The following SCAPER variants were observed in gnomAD, a reference collection of about 807,000 sequenced individuals.
SCAPER encodes S phase cyclin A-associated protein in the endoplasmic reticulum.
A neutral mutation model predicts 182.2 loss-of-function variants in SCAPER; 98 were observed. That is an observed-to-expected ratio of 0.54 (90% CI 0.46 to 0.64). The LOEUF is 0.64. Among genes scored for constraint, SCAPER ranks in the 30% least tolerant of loss-of-function variants. SCAPER has a pLI of 0.00. For missense variants in SCAPER, 1,432 were observed against 1,690.0 expected, an observed-to-expected ratio of 0.85 and a Z score of 2.68; for synonymous variants, 605 against 564.6, an observed-to-expected ratio of 1.07 and a Z score of -1.01.
chr15:76,391,887 A>G (rs2043724663), intron 27 of SCAPER, among the ~76,000 whole-genome samples: 1 of 152,232 alleles, frequency 6.6e-6, no homozygotes, highest in Non-Finnish European at 1.5e-5. Context: ...GGTATGTTCC[A>G]TCTCATATTT....
At chr15:76,858,121 C>A (rs1047768458) in intron 3 of SCAPER, among the ~76,000 whole-genome samples, 2 of 152,130 alleles carry the variant, frequency 1.3e-5, no homozygotes, top group Non-Finnish European at 1.5e-5. Context: ...TTATTGAATA[C>A]CTTTCTCTGA....
chr15:76,760,945 C>T (rs2062741223), intron 14 of SCAPER, among the ~76,000 whole-genome samples: 1 of 152,098 alleles, frequency 6.6e-6, no homozygotes, highest in Admixed American at 6.5e-5. Flanking sequence ...ACTACTTCTC[C>T]TTTATATGTT....
rs1254793406 is a variant in SCAPER at position 76,905,325 on chromosome 15, C to A, written c.-86G>T. The A allele has an allele frequency of 4.1e-6, 1 of 245,382 alleles. No homozygotes were observed. The highest frequency in any genetic ancestry group is 8.5e-6 in the Non-Finnish European group (1 of 116,960). The allele number at this position is 245,382 out of a possible 1,614,324, so 15.2% of individuals were successfully genotyped here. Reference sequence around the variant, plus strand: ...CCCGACCGCCCTGCTTAGTTCGGGGCGGCTCAAAGCGTCCCGCCGGGAAAG... The same window carrying A: ...CCCGACCGCCCTGCTTAGTTCGGGGAGGCTCAAAGCGTCCCGCCGGGAAAG... On this transcript the variant is annotated 5_prime_UTR_variant, in exon 1 of 32. Transcript: ENST00000563290.
chr15:76,421,853 T>C (rs1442655969), intron 26 of SCAPER, among the ~76,000 whole-genome samples: 1 of 152,238 alleles, frequency 6.6e-6, no homozygotes, highest in Non-Finnish European at 1.5e-5. Context: ...TAGCCAGTTT[T>C]CCCAGCACCA....
At chr15:76,781,539 T>A (rs1214689109) in intron 8 of SCAPER, among the ~76,000 whole-genome samples, 1 of 152,046 alleles carries the variant, frequency 6.6e-6, no homozygotes, top group East Asian at 1.9e-4. Flanking sequence ...CTACAGAGAA[T>A]ACCATGAACA....
At chr15:76,731,460 C>T (rs1180228662) in intron 16 of SCAPER, among the ~76,000 whole-genome samples, 1 of 152,276 alleles carries the variant, frequency 6.6e-6, no homozygotes, top group Non-Finnish European at 1.5e-5. Context: ...ATTTTACTTA[C>T]AAGAAATGAG....
chr15:76,486,566 A>C (rs2051672164), intron 24 of SCAPER, among the ~76,000 whole-genome samples: 1 of 152,208 alleles, frequency 6.6e-6, no homozygotes, highest in African/African-American at 2.4e-5. Context: ...ACACTTTTCT[A>C]AAGATGACAT....
intron 21 of SCAPER, among the ~76,000 whole-genome samples, chr15:76,632,763 GCTGA>G (rs1380983689): frequency 1.4e-5 from 2 of 145,394 alleles, no homozygotes; most frequent in Non-Finnish European, 3.0e-5. Context: ...CTCTGAGGCT[GCTGA>G]CTTTTTTTTT....
Position 76,753,871 on chromosome 15 carries a change from A to G in SCAPER, c.1803T>C (p.Ala601=). 3 of 1,613,214 alleles carry G rather than the reference A, an allele frequency of 1.9e-6. No homozygotes were observed. The highest frequency in any genetic ancestry group is 2.5e-6 in the Non-Finnish European group (3 of 1,179,356). ...RRMMEEKLLH[A]EFKREVQLQA... ...GTAACTGCACTTCTCGCTTAAACTCAGCATGAAGTAATTTTTCTTCCATCA... is the reference window on the plus strand; with the variant it reads ...GTAACTGCACTTCTCGCTTAAACTCGGCATGAAGTAATTTTTCTTCCATCA... The change falls in exon 15 of 32, where the codon GCT becomes GCC. Residue 601 remains alanine, a synonymous_variant. Coordinates refer to ENST00000563290, the MANE Select transcript of SCAPER (RefSeq NM_020843.4).
chr15:76,571,295 TG>T (rs2047416587), intron 23 of SCAPER, among the ~76,000 whole-genome samples: 2 of 152,178 alleles, frequency 1.3e-5, no homozygotes, highest in Non-Finnish European at 2.9e-5. Context: ...CAGTTGTTTT[TG>T]TTGGGAGAGT....
intron 22 of SCAPER, among the ~76,000 whole-genome samples, chr15:76,615,120 CT>C (rs2051330707): frequency 1.3e-5 from 2 of 152,212 alleles, no homozygotes; most frequent in South Asian, 4.1e-4. Flanking sequence ...TAATCAAAAT[CT>C]CTCGTTGAAG....
chr15:76,858,513 A>G (rs1240509897), intron 3 of SCAPER, among the ~76,000 whole-genome samples: 2 of 152,024 alleles, frequency 1.3e-5, no homozygotes, highest in Non-Finnish European at 2.9e-5. Flanking sequence ...GGTTTGCTAT[A>G]CAGGCAAATT....
intron 1 of SCAPER, among the ~76,000 whole-genome samples, chr15:76,889,184 A>C (rs1305597226): frequency 6.6e-6 from 1 of 152,236 alleles, no homozygotes; most frequent in African/African-American, 2.4e-5. Flanking sequence ...GAAGCACTAA[A>C]CATGGAAAAG....
At chr15:76,707,203 G>T (rs1425643712) in intron 17 of SCAPER, among the ~76,000 whole-genome samples, 1 of 151,906 alleles carries the variant, frequency 6.6e-6, no homozygotes, top group Admixed American at 6.6e-5. Flanking sequence ...GGTTTAATAA[G>T]AACAAAAGGT....
At chr15:76,639,816 A>C (rs556907935) in intron 21 of SCAPER, among the ~76,000 whole-genome samples, 31 of 152,232 alleles carry the variant, frequency 2.0e-4, no homozygotes, top group African/African-American at 7.5e-4. Context: ...AGTTGTGTTA[A>C]ACCACCATAT....
chr15:76,874,044 C>T (rs1296905398), intron 2 of SCAPER, among the ~76,000 whole-genome samples: 1 of 152,090 alleles, frequency 6.6e-6, no homozygotes, highest in African/African-American at 2.4e-5. Flanking sequence ...AGGCGCCCAG[C>T]ACCACGCCTG....
At chr15:76,540,994 G>A (rs190551309) in intron 23 of SCAPER, among the ~76,000 whole-genome samples, 51 of 151,862 alleles carry the variant, frequency 3.4e-4, no homozygotes, top group Non-Finnish European at 7.4e-5. Flanking sequence ...GGTGATGGGC[G>A]CCTGTAATCC....
intron 17 of SCAPER, among the ~76,000 whole-genome samples, chr15:76,709,513 A>G (rs1330313908): frequency 6.6e-6 from 1 of 152,230 alleles, no homozygotes; most frequent in Non-Finnish European, 1.5e-5. Context: ...AGCTGACTCC[A>G]GAAGATGTGA....
intron 5 of SCAPER, among the ~76,000 whole-genome samples, chr15:76,840,833 C>T (rs548690232): frequency 4.6e-5 from 7 of 152,154 alleles, no homozygotes; most frequent in Non-Finnish European, 8.8e-5. Context: ...ACACTCTACA[C>T]CATGTGTCTG....
Sources: gnomAD v4.1 joint callset for allele counts (sites outside exome capture counted in the v4.1 genomes callset) on GRCh38, gnomAD v4.1.1 for gene constraint, MANE v1.5 for transcripts, NCBI Gene and HGNC (gene_info 2026-07-23, HGNC 2026-07-21) for gene names.